METTL26: variants seen among roughly 807,000 people sequenced by gnomAD.
METTL26 encodes methyltransferase like 26.
In METTL26, 28 loss-of-function variants were observed where a neutral mutation model predicts 24.7. That is an observed-to-expected ratio of 1.13 (90% CI 0.84 to 1.55). The LOEUF is 1.55. METTL26 is among the 40% of genes most tolerant of loss of function. The pLI, the probability that METTL26 is intolerant of heterozygous loss-of-function variation, is 0.00. For missense variants in METTL26, 344 were observed against 281.2 expected (o/e 1.22, Z -1.60); for synonymous variants, 165 against 125.2 (o/e 1.32, Z -2.12).
At position 636,276 on chromosome 16, in the gene METTL26, C is replaced by A; in HGVS notation, c.15G>T (p.Ala5=). ...TGGGATCCTTGTTCCGCTCCGCGGC[C>A]GCCGCCACCAGCATCGCGGCAGCAA... MLVA[A]AAERNKDPIL... is the part of the protein sequence containing the mutation. Residue 5 remains alanine, a synonymous_variant, in exon 1 of 6, where the codon GCG becomes GCT. Transcript: ENST00000301686. The A allele has an allele frequency of 6.9e-7, 1 of 1,451,430 alleles. No homozygotes were observed. The highest frequency in any genetic ancestry group is 9.0e-7 in the Non-Finnish European group (1 of 1,107,950). The allele number at this position is 1,451,430 out of a possible 1,614,324, so 89.9% of individuals were successfully genotyped here.
At position 635,630 on chromosome 16, in the gene METTL26, G is replaced by A. The variant is rs932995174; in HGVS notation, c.342C>T (p.Ser114=). Residue 114 remains serine, a synonymous_variant, in exon 2 of 6, where the codon AGC becomes AGT. Transcript: ENST00000301686. ...LLLCINMAHV[S]PLRCTEGLFR... ...CACAGACCTCCGTGCAGCGCAGGGG[G>A]CTGACATGGGCCATGTTGATGCAGA... 8 of 1,549,810 alleles carry A rather than the reference G, an allele frequency of 5.2e-6. No individual in the cohort carries two copies. The highest frequency in any genetic ancestry group is 2.7e-5 in the African/African-American group (2 of 73,082).
rs988663980 is a variant in METTL26, at chr16:635,596, T to C, written c.360+16A>G. 6.5e-7 allele frequency: 1 copy of C among 1,548,614 alleles called. No homozygotes were observed. On this transcript the variant is annotated intron_variant, in intron 2 of 5. Transcript: ENST00000301686. ...GTGGTGCCACGGCAGACACCCATGC[T>C]GGGCTCCCCACAGACCTCCGTGCAG...
rs761977803 is a variant in METTL26, at chr16:634,788, T to C, written c.498A>G (p.Glu166=). ...FDLMLRCRNP[E]WGLRDTALLE... Reference sequence around the variant, plus strand: ...GGAGGGCTGTGTCCCGAAGCCCCCATTCTGGGTTCCTGCAGAGGGTGGGGA... The same window carrying C: ...GGAGGGCTGTGTCCCGAAGCCCCCACTCTGGGTTCCTGCAGAGGGTGGGGA... Residue 166 remains glutamate, a synonymous_variant, in exon 5 of 6, where the codon GAA becomes GAG. Transcript: ENST00000301686. 1.2e-6 allele frequency: 2 copies of C among 1,610,520 alleles called. No homozygotes were observed. Among genetic ancestry groups the C allele is most frequent in the Non-Finnish European group, 1.7e-6 (2 of 1,178,600 alleles).
Position 634,966 on chromosome 16 carries a change from T to C in METTL26, c.421-10A>G, listed in dbSNP as rs770100170. ...CATTGATGGCATAGGGCTGTGGGCA[T>C]GGGGACACAGCCCACTGGACCAAGG... On this transcript the variant is annotated splice_polypyrimidine_tract_variant and intron_variant, in intron 3 of 5. Transcript: ENST00000301686. The C allele has an allele frequency of 5.0e-6, 8 of 1,595,548 alleles. No individual in the cohort carries two copies. Among genetic ancestry groups the C allele is most frequent in the Non-Finnish European group, 6.8e-6 (8 of 1,172,126 alleles).
chr16:635,335 G>A lies in METTL26; in HGVS notation c.366C>T (p.Leu122=), dbSNP rs1319214025. The A allele has an allele frequency of 8.8e-6, 14 of 1,599,450 alleles. No individual in the cohort carries two copies. The highest frequency in any genetic ancestry group is 2.3e-5 in the East Asian group (1 of 44,354). ...HVSPLRCTEG[L]FRAAGHLLKP... Reference sequence around the variant, plus strand: ...TGAGCAGGTGTCCTGCTGCTCTGAAGAGCCCCTGGTGAGTAGGAACAGGAC... The same window carrying A: ...TGAGCAGGTGTCCTGCTGCTCTGAAAAGCCCCTGGTGAGTAGGAACAGGAC... The change falls in exon 3 of 6, where the codon CTC becomes CTT. Residue 122 remains leucine, a synonymous_variant. Coordinates refer to ENST00000301686, the MANE Select transcript of METTL26 (RefSeq NM_032366.5).
chr16:636,050 C>T (rs950182216), intron 1 of METTL26, 44 bp downstream of exon 1: 23 of 1,432,322 alleles, frequency 1.6e-5, no homozygotes, highest in Non-Finnish European at 2.0e-5. Flanking sequence ...TCTTGAGGCC[C>T]CGGACCGCCG....
In METTL26 at chr16:636,108, C is replaced by T. The variant is rs1216263609; in HGVS notation, c.183G>A (p.Gln61=). The T allele has an allele frequency of 2.8e-6, 4 of 1,406,994 alleles. No individual in the cohort carries two copies. Among genetic ancestry groups the T allele is most frequent in the Non-Finnish European group, 2.8e-6 (3 of 1,088,342 alleles). 87.2% of individuals were successfully genotyped at this position (1,406,994 alleles called of 1,614,324 possible). Residue 61 remains glutamine, a synonymous_variant, in exon 1 of 6, where the codon CAG becomes CAA. Coordinates refer to ENST00000301686, the MANE Select transcript of METTL26 (RefSeq NM_032366.5). ...GGGGGCCGCACCTGTCCAGGCAGCG[C>T]TGGTCCACGTCCGACGGCTGCCACT... ...LAEWQPSDVD[Q]RCLDSIAATT...
rs145925272 is a variant in METTL26 at position 634,874 on chromosome 16, G to A, written c.488+15C>T. 27 of 1,580,240 alleles carry A rather than the reference G, an allele frequency of 1.7e-5. No homozygotes were observed. Among genetic ancestry groups the A allele is most frequent in the African/African-American group, 9.4e-5 (7 of 74,254 alleles). ...ACCTGCCACCTGAGCCAGACCCCCC[G>A]CCTCTAGCTCTGACCTGCATCTGAG... is the stretch of plus-strand genomic sequence containing the variant. On this transcript the variant is annotated intron_variant, in intron 4 of 5. Transcript: ENST00000301686.
At chr16:635,884 C>T in intron 1 of METTL26, 110 bp from the exon 2 acceptor site, 1 of 1,410,648 alleles carries the variant, frequency 7.1e-7, no homozygotes, top group Non-Finnish European at 9.3e-7. Context: ...GAGCGGAGAC[C>T]AAAGCGGCTG....
At position 636,143 on chromosome 16, in the gene METTL26, G is replaced by T. The variant is rs1158106674; in HGVS notation, c.148C>A (p.Pro50Thr). The T allele has an allele frequency of 6.9e-7, 1 of 1,456,264 alleles. No homozygotes were observed. The highest frequency in any genetic ancestry group is 9.0e-7 in the Non-Finnish European group (1 of 1,110,928). The allele number at this position is 1,456,264 out of a possible 1,614,324, so 90.2% of individuals were successfully genotyped here. Reference sequence around the variant, plus strand: ...TCCGACGGCTGCCACTCGGCCAGGGGGAAGGCCCGCGCGAAGTGCGCTGCG... The same window carrying T: ...TCCGACGGCTGCCACTCGGCCAGGGTGAAGGCCCGCGCGAAGTGCGCTGCG... ...QHAAHFARAF[P>T]LAEWQPSDVD... The change falls in exon 1 of 6, where the codon CCC becomes ACC. Residue 50 changes from proline to threonine, a missense_variant. Physicochemically the swap from Pro to Thr is conservative, Grantham distance 38. Coordinates refer to ENST00000301686, the MANE Select transcript of METTL26 (RefSeq NM_032366.5).
In METTL26 at chr16:635,322, C is replaced by T. The variant is rs759403807; in HGVS notation, c.379G>A (p.Gly127Arg). The T allele has an allele frequency of 3.7e-6, 6 of 1,600,074 alleles. No homozygotes were observed. ...AGGGCCCTGGGTTTGAGCAGGTGTC[C>T]TGCTGCTCTGAAGAGCCCCTGGTGA... ...RCTEGLFRAA[G>R]HLLKPRALLI... is the part of the protein sequence containing the mutation. Residue 127 changes from glycine (G) to arginine (R), a missense_variant, in exon 3 of 6, where the codon GGA (glycine) becomes AGA (arginine). Coordinates refer to ENST00000301686, the MANE Select transcript of METTL26 (RefSeq NM_032366.5).
rs1351859712 is a variant in METTL26 at position 634,914 on chromosome 16, C to T, written c.463G>A (p.Asp155Asn). ...NGKISPQSNV[D>N]FDLMLRCRNP... Reference sequence around the variant, plus strand: ...CTGCATCTGAGCATCAGGTCAAAGTCCACGTTGCTCTGGGGGGAGATCTTC... The same window carrying T: ...CTGCATCTGAGCATCAGGTCAAAGTTCACGTTGCTCTGGGGGGAGATCTTC... Residue 155 changes from aspartate to asparagine, a missense_variant, in exon 4 of 6, where the codon GAC becomes AAC. Coordinates refer to ENST00000301686, the MANE Select transcript of METTL26 (RefSeq NM_032366.5). The T allele has an allele frequency of 1.0e-5, 16 of 1,605,658 alleles. No individual in the cohort carries two copies. Among genetic ancestry groups the T allele is most frequent in the Non-Finnish European group, 1.4e-5 (16 of 1,176,606 alleles).
chr16:635,790 G>C lies in METTL26; in HGVS notation c.198-16C>G. ...GGCCGCGATGCTGCAGGAGGCGAAC[G>C]CTTGGGTGGGGGCCGAGTCCTGTGC... On this transcript the variant is annotated splice_polypyrimidine_tract_variant and intron_variant, in intron 1 of 5. Coordinates refer to ENST00000301686, the MANE Select transcript of METTL26 (RefSeq NM_032366.5). The C allele has an allele frequency of 6.4e-7, 1 of 1,550,800 alleles. No individual in the cohort carries two copies. Among genetic ancestry groups the C allele is most frequent in the Non-Finnish European group, 8.7e-7 (1 of 1,144,836 alleles).
At position 634,586 on chromosome 16, in the gene METTL26, G is replaced by A. The variant is rs1366555776; in HGVS notation, c.*11C>T. The A allele has an allele frequency of 1.2e-6, 2 of 1,613,266 alleles. No homozygotes were observed. The highest frequency in any genetic ancestry group is 1.3e-5 in the African/African-American group (1 of 75,068). On this transcript the variant is annotated 3_prime_UTR_variant, in exon 6 of 6. Coordinates refer to ENST00000301686, the MANE Select transcript of METTL26 (RefSeq NM_032366.5). ...GGCAGGGATGCAGGTGTGCGGGGGT[G>A]AAGGAGGGGCTTAGTTTTTCCGGAA...
At chr16:635,938 G>A (rs1259965588) in intron 1 of METTL26, 156 bp downstream of exon 1, 39 of 1,333,364 alleles carry the variant, frequency 2.9e-5, no homozygotes, top group Non-Finnish European at 3.7e-5. Context: ...AGCCGCGGGG[G>A]CCGCACAGCT....
chr16:635,217 A>G (rs1454452154), intron 3 of METTL26, 64 bp downstream of exon 3: 2 of 1,509,486 alleles, frequency 1.3e-6, no homozygotes, highest in African/African-American at 2.8e-5. Context: ...GAGGACTCTC[A>G]GCAGGGCAGG....
At position 635,749 on chromosome 16, in the gene METTL26, C is replaced by T; in HGVS notation, c.223G>A (p.Gly75Ser). 1 of 1,573,778 alleles carries T rather than the reference C, an allele frequency of 6.4e-7. No individual in the cohort carries two copies. The highest frequency in any genetic ancestry group is 8.6e-7 in the Non-Finnish European group (1 of 1,158,598). Residue 75 changes from glycine to serine, a missense_variant, in exon 2 of 6, where the codon GGC becomes AGC. Transcript: ENST00000301686. ...DSIAATTQAQ[G>S]LTNVKAPLHL... ...AGCGGGGCCTTCACGTTGGTCAGGC[C>T]CTGGGCTTGCGTGGTGGCCGCGATG...
Position 634,713 on chromosome 16 carries a change from AC to A in METTL26, c.567+5del. ...AGGTTGCCTGGGCCCCCGCTCCCCC[AC>A]CTACCATCCTCTCCAGGAGCAGGCC... On this transcript the variant is annotated splice_donor_5th_base_variant and intron_variant, in intron 5 of 5. Coordinates refer to ENST00000301686, the MANE Select transcript of METTL26 (RefSeq NM_032366.5). 1.2e-6 allele frequency: 2 copies of A among 1,612,752 alleles called. No homozygotes were observed. The highest frequency in any genetic ancestry group is 1.7e-6 in the Non-Finnish European group (2 of 1,179,938).
chr16:634,704 C>T lies in METTL26; in HGVS notation c.567+15G>A, dbSNP rs377633763. Reference sequence around the variant, plus strand: ...CCCCTAGAGAGGTTGCCTGGGCCCCCGCTCCCCCACCTACCATCCTCTCCA... The same window carrying T: ...CCCCTAGAGAGGTTGCCTGGGCCCCTGCTCCCCCACCTACCATCCTCTCCA... On this transcript the variant is annotated intron_variant, in intron 5 of 5. Coordinates refer to ENST00000301686, the MANE Select transcript of METTL26 (RefSeq NM_032366.5). 83 of 1,612,886 alleles carry T rather than the reference C, an allele frequency of 5.1e-5. 1 individual carries two copies. The highest frequency in any genetic ancestry group is 3.2e-4 in the Admixed American group (19 of 60,018).
Sources: allele counts gnomAD v4.1 joint callset, GRCh38; gene constraint gnomAD v4.1.1; transcripts MANE v1.5; gene names NCBI Gene and HGNC (gene_info 2026-07-23, HGNC 2026-07-21).